CNTNAP2: variants seen among roughly 807,000 people sequenced by gnomAD.
CNTNAP2 encodes contactin-associated protein-like 2.
CNTNAP2 carries 98 observed loss-of-function variants against 155.2 expected under a neutral mutation model. The ratio of observed to expected loss-of-function variants is 0.63; its 90% confidence interval spans 0.54 to 0.75. CNTNAP2 has a LOEUF of 0.75. Among genes scored for constraint, CNTNAP2 ranks in the 30% least tolerant of loss-of-function variants. The pLI, the probability that CNTNAP2 is intolerant of heterozygous loss-of-function variation, is 0.00. For missense variants in CNTNAP2, 1,727 were observed against 1,688.1 expected (o/e 1.02, Z -0.40); for synonymous variants, 651 against 631.2 (o/e 1.03, Z -0.47).
intron 1 of CNTNAP2, among the ~76,000 whole-genome samples, chr7:146,348,083 T>C (rs1563049485): frequency 6.6e-6 from 1 of 152,270 alleles, no homozygotes; most frequent in East Asian, 1.9e-4. Flanking sequence ...ATAAACTTAC[T>C]ACCACTCTAT....
At chr7:147,877,893 T>C (rs1366359540) in intron 13 of CNTNAP2, among the ~76,000 whole-genome samples, 1 of 152,244 alleles carries the variant, frequency 6.6e-6, no homozygotes, top group East Asian at 1.9e-4. Flanking sequence ...ACACCAGTGT[T>C]TGCTGGCTGC....
chr7:147,779,078 T>C lies in CNTNAP2; in HGVS notation c.2099-124487T>C, dbSNP rs144901007. 3.3e-3 allele frequency among the ~76,000 whole-genome samples: 500 copies of C among 152,262 alleles called. 6 individuals carry two copies. Among genetic ancestry groups the C allele is most frequent in the African/African-American group, 0.011 (471 of 41,550 alleles). On this transcript the variant is annotated intron_variant, in intron 13 of 23. Transcript: ENST00000361727. Reference sequence around the variant, plus strand: ...TTTCTATTATGAAATTAGCATGCAATCTTTTTTTTTGTAAGCAATCCAACC... The same window carrying C: ...TTTCTATTATGAAATTAGCATGCAACCTTTTTTTTTGTAAGCAATCCAACC...
At chr7:148,151,278 A>G (rs985097761) in intron 17 of CNTNAP2, among the ~76,000 whole-genome samples, 6 of 152,166 alleles carry the variant, frequency 3.9e-5, no homozygotes, top group Non-Finnish European at 7.3e-5. Context: ...CCTAGGGCCC[A>G]TAATTATTAT....
chr7:146,155,071 G>A (rs908036256), intron 1 of CNTNAP2, among the ~76,000 whole-genome samples: 1 of 152,106 alleles, frequency 6.6e-6, no homozygotes, highest in African/African-American at 2.4e-5. Context: ...GGTAAGAATT[G>A]TTTAGTACTA....
intron 11 of CNTNAP2, among the ~76,000 whole-genome samples, chr7:147,517,617 C>T (rs1293504622): frequency 6.6e-6 from 1 of 152,160 alleles, no homozygotes; most frequent in Non-Finnish European, 1.5e-5. Context: ...ACAAGAGGAA[C>T]AATAAACAGG....
intron 1 of CNTNAP2, among the ~76,000 whole-genome samples, chr7:146,211,550 C>G (rs910485135): frequency 6.6e-6 from 1 of 151,976 alleles, no homozygotes; most frequent in Admixed American, 6.6e-5. Flanking sequence ...ATTTTAGTAA[C>G]AGTTTTGTGC....
chr7:148,197,714 G>T (rs1261792466), intron 18 of CNTNAP2, among the ~76,000 whole-genome samples: 1 of 152,178 alleles, frequency 6.6e-6, no homozygotes, highest in South Asian at 2.1e-4. Context: ...TGACAGGCTT[G>T]AGCCCTCTGA....
At position 146,327,365 on chromosome 7, in the gene CNTNAP2, A is replaced by G. The variant is rs529559875; in HGVS notation, c.97+210392A>G. 2.2e-3 allele frequency among the ~76,000 whole-genome samples: 329 copies of G among 152,344 alleles called. 2 individuals are homozygous for G. The highest frequency in any genetic ancestry group is 7.3e-3 in the African/African-American group (304 of 41,584). On this transcript the variant is annotated intron_variant, in intron 1 of 23. Coordinates refer to ENST00000361727, the MANE Select transcript of CNTNAP2 (RefSeq NM_014141.6). Reference sequence around the variant, plus strand: ...ATTTACAAGAAAATTAGCATCAGGCAGATGGCAGAAGGCAACTCTTAAGTA... The same window carrying G: ...ATTTACAAGAAAATTAGCATCAGGCGGATGGCAGAAGGCAACTCTTAAGTA...
chr7:146,796,734 C>T lies in CNTNAP2; in HGVS notation c.208+22353C>T, dbSNP rs761704651. Among the ~76,000 whole-genome samples, 3 of 152,124 alleles carry T rather than the reference C, an allele frequency of 2.0e-5. No homozygotes were observed. The East Asian group carries it at 5.8e-4, about 29-fold the overall frequency. On this transcript the variant is annotated intron_variant, in intron 2 of 23. Coordinates refer to ENST00000361727, the MANE Select transcript of CNTNAP2 (RefSeq NM_014141.6). ...CTGAAAATCAACTTCCTTATCTATACCATGGAGGTAATAATGCTGACTACC... is the reference window on the plus strand; with the variant it reads ...CTGAAAATCAACTTCCTTATCTATATCATGGAGGTAATAATGCTGACTACC...
intron 13 of CNTNAP2, among the ~76,000 whole-genome samples, chr7:147,856,604 C>G (rs546032061): frequency 6.7e-6 from 1 of 148,844 alleles, no homozygotes; most frequent in Admixed American, 6.7e-5. Context: ...CAAAGAGTGC[C>G]GTAATTATGT....
chr7:148,411,859 G>A (rs1799848938), intron 23 of CNTNAP2, among the ~76,000 whole-genome samples: 4 of 151,100 alleles, frequency 2.6e-5, no homozygotes, highest in African/African-American at 4.9e-5. Context: ...ATATGTGTGT[G>A]TGTGTGTGTG....
intron 12 of CNTNAP2, among the ~76,000 whole-genome samples, chr7:147,579,151 C>G (rs544505417): frequency 6.6e-6 from 1 of 152,036 alleles, no homozygotes; most frequent in Non-Finnish European, 1.5e-5. Flanking sequence ...GTGTGATTAA[C>G]AGCAAGCTTC....
At chr7:147,272,084 G>C (rs1804765374) in intron 8 of CNTNAP2, among the ~76,000 whole-genome samples, 1 of 152,032 alleles carries the variant, frequency 6.6e-6, no homozygotes, top group Admixed American at 6.6e-5. Flanking sequence ...GTAGAGATGG[G>C]GTCTCACCAT....
intron 1 of CNTNAP2, among the ~76,000 whole-genome samples, chr7:146,473,827 A>C (rs1796835202): frequency 6.6e-6 from 1 of 152,176 alleles, no homozygotes. Flanking sequence ...GGTTTGTCTC[A>C]AGTATTGTTT....
At chr7:147,150,997 G>C (rs1801814002) in intron 8 of CNTNAP2, among the ~76,000 whole-genome samples, 1 of 152,196 alleles carries the variant, frequency 6.6e-6, no homozygotes, top group African/African-American at 2.4e-5. Flanking sequence ...GGGGCAGTCT[G>C]TGGCAACTAA....
At chr7:146,621,977 T>C (rs780503181) in intron 1 of CNTNAP2, among the ~76,000 whole-genome samples, 1 of 152,142 alleles carries the variant, frequency 6.6e-6, no homozygotes, top group Non-Finnish European at 1.5e-5. Context: ...AATAGTACCT[T>C]GTTTCTCTTT....
At position 147,512,481 on chromosome 7, in the gene CNTNAP2, A is replaced by G. The variant is rs144288743; in HGVS notation, c.1777+26440A>G. On this transcript the variant is annotated intron_variant, in intron 11 of 23. Transcript: ENST00000361727. ...GGTCACAGATACTCAGACCTATTCCAGAATCTAGCCATATTCAACTTTCAT... is the reference window on the plus strand; with the variant it reads ...GGTCACAGATACTCAGACCTATTCCGGAATCTAGCCATATTCAACTTTCAT... 3.2e-4 allele frequency among the ~76,000 whole-genome samples: 49 copies of G among 152,358 alleles called. 2 individuals are homozygous for G. The East Asian group carries it at 9.4e-3, about 29-fold the overall frequency.
chr7:147,458,602 A>G (rs944429079), intron 10 of CNTNAP2, among the ~76,000 whole-genome samples: 2 of 152,200 alleles, frequency 1.3e-5, no homozygotes, highest in Non-Finnish European at 2.9e-5. Flanking sequence ...GCGGACATGC[A>G]GGAAGATCCC....
In CNTNAP2 at chr7:146,992,900, T is replaced by A. The variant is rs118008082; in HGVS notation, c.403-51007T>A. Among the ~76,000 whole-genome samples, 308 of 152,320 alleles carry A rather than the reference T, an allele frequency of 2.0e-3. 8 individuals are homozygous for A. The East Asian group carries it at 0.036, about 18-fold the overall frequency. ...AATGTATTCCTCACATTGTAACAAGTTGATAACCAGAATTATAATTGCTAG... is the reference window on the plus strand; with the variant it reads ...AATGTATTCCTCACATTGTAACAAGATGATAACCAGAATTATAATTGCTAG... On this transcript the variant is annotated intron_variant, in intron 3 of 23. Transcript: ENST00000361727.
Sources: allele counts gnomAD v4.1 joint callset (sites outside exome capture counted in the v4.1 genomes callset), GRCh38; gene constraint gnomAD v4.1.1; transcripts MANE v1.5; gene names NCBI Gene and HGNC (gene_info 2026-07-23, HGNC 2026-07-21).